The following ORC4 variants were observed in gnomAD, a reference collection of about 807,000 sequenced individuals.
ORC4 encodes the protein origin recognition complex, subunit 4 homolog.
ORC4 carries 55 observed loss-of-function variants against 63.9 expected under a neutral mutation model. That is an observed-to-expected ratio of 0.86 (90% CI 0.69 to 1.08). ORC4 has a LOEUF of 1.08. Ranked by LOEUF, ORC4 falls within the 50% of genes least tolerant of loss-of-function variation. The probability of loss-of-function intolerance (pLI) is 0.00; values close to 1 mark genes in which losing one functional copy is unlikely to be tolerated. For synonymous variants in ORC4, 150 were observed against 168.5 expected, an observed-to-expected ratio of 0.89 and a Z score of 0.85; for missense variants, 511 against 504.4, an observed-to-expected ratio of 1.01 and a Z score of -0.13.
intron 1 of ORC4, among the ~76,000 whole-genome samples, chr2:147,985,293 T>C (rs543840700): frequency 6.6e-6 from 1 of 152,144 alleles, no homozygotes; most frequent in African/African-American, 2.4e-5. Flanking sequence ...ACCTCCCGGG[T>C]TCACACCATT....
chr2:148,015,052 T>A (rs1427256566), intron 1 of ORC4, among the ~76,000 whole-genome samples: 1 of 148,856 alleles, frequency 6.7e-6, no homozygotes, highest in East Asian at 2.0e-4. Flanking sequence ...CAGGGCAAGA[T>A]AAAGAATGCC....
chr2:147,966,617 G>A lies in ORC4; in HGVS notation c.225+6122C>T, dbSNP rs1689908482. ...TACAAAACCTAAAGGAAATGGTTAA[G>A]TTCCTGGACACATACAACCTTTCAA... On this transcript the variant is annotated intron_variant, in intron 4 of 13. Coordinates refer to ENST00000392857, the MANE Select transcript of ORC4 (RefSeq NM_181741.4). 2.0e-5 allele frequency among the ~76,000 whole-genome samples: 3 copies of A among 152,120 alleles called. No individual in the cohort carries two copies. In the South Asian group the frequency reaches 6.2e-4, roughly 31 times the overall value.
intron 1 of ORC4, among the ~76,000 whole-genome samples, chr2:147,991,784 CA>C (rs1385130145): frequency 6.6e-6 from 1 of 152,092 alleles, no homozygotes; most frequent in East Asian, 1.9e-4. Flanking sequence ...GCGGAGATTG[CA>C]CCACTGCACT....
At chr2:147,989,797 T>C (rs890440752) in intron 1 of ORC4, among the ~76,000 whole-genome samples, 2 of 152,132 alleles carry the variant, frequency 1.3e-5, no homozygotes, top group Non-Finnish European at 2.9e-5. Context: ...TTTTTCTTAG[T>C]TTGGAATAAG....
At chr2:147,981,236 T>A (rs1690868509) in intron 1 of ORC4, among the ~76,000 whole-genome samples, 1 of 152,184 alleles carries the variant, frequency 6.6e-6, no homozygotes, top group Non-Finnish European at 1.5e-5. Flanking sequence ...ACTCTCTCTA[T>A]ATACTATGTT....
At chr2:147,996,032 C>T (rs915313114) in intron 1 of ORC4, among the ~76,000 whole-genome samples, 23 of 150,702 alleles carry the variant, frequency 1.5e-4, no homozygotes, top group East Asian at 7.9e-4. Flanking sequence ...AGGCCAGGTG[C>T]GGTGGCTTAC....
At chr2:147,957,100 G>C (rs949735940) in intron 6 of ORC4, among the ~76,000 whole-genome samples, 2 of 147,518 alleles carry the variant, frequency 1.4e-5, no homozygotes. Flanking sequence ...TATTTTTATA[G>C]ATTAATATAT....
chr2:148,007,611 C>A (rs1429559768), intron 1 of ORC4, among the ~76,000 whole-genome samples: 1 of 152,030 alleles, frequency 6.6e-6, no homozygotes, highest in Non-Finnish European at 1.5e-5. Flanking sequence ...GAGTTACTGG[C>A]CTTAAAGAGG....
chr2:147,956,449 G>A (rs1384428371), intron 6 of ORC4, among the ~76,000 whole-genome samples: 2 of 151,950 alleles, frequency 1.3e-5, no homozygotes, highest in Non-Finnish European at 2.9e-5. Flanking sequence ...CTATAAATAC[G>A]TATTTGTGCA....
intron 1 of ORC4, among the ~76,000 whole-genome samples, chr2:147,991,879 G>C (rs972756288): frequency 6.6e-6 from 1 of 152,090 alleles, no homozygotes; most frequent in Non-Finnish European, 1.5e-5. Context: ...ATTAACCATG[G>C]AATACACCTT....
intron 1 of ORC4, among the ~76,000 whole-genome samples, chr2:148,020,045 C>T (rs1311239396): frequency 1.3e-5 from 2 of 152,190 alleles, no homozygotes; most frequent in Non-Finnish European, 2.9e-5. Context: ...AAGGACTACA[C>T]AATCCCACAT....
intron 4 of ORC4, among the ~76,000 whole-genome samples, chr2:147,962,337 T>C (rs919418866): frequency 2.0e-5 from 3 of 152,054 alleles, no homozygotes; most frequent in African/African-American, 7.2e-5. Flanking sequence ...ATCATGAGAA[T>C]AAGGTATGCA....
chr2:147,953,575 T>C (rs1689083342), intron 7 of ORC4, among the ~76,000 whole-genome samples: 1 of 152,194 alleles, frequency 6.6e-6, no homozygotes, highest in South Asian at 2.1e-4. Flanking sequence ...AAGGTACATT[T>C]CTTGTAGAAA....
chr2:147,938,442 G>T, intron 11 of ORC4, 49 bp from the exon 12 acceptor site: 1 of 1,030,392 alleles, frequency 9.7e-7, no homozygotes, highest in South Asian at 1.3e-5. Flanking sequence ...ATATAAGACT[G>T]AAATAACTGT....
chr2:148,021,517 C>T (rs1693729551), upstream of ORC4: 1 of 575,256 alleles, frequency 1.7e-6, no homozygotes, highest in Non-Finnish European at 3.3e-6. Context: ...GCTGCTACTG[C>T]TGCTGCTTGG....
At chr2:147,942,066 T>C (rs959460776) in intron 10 of ORC4, among the ~76,000 whole-genome samples, 1 of 152,054 alleles carries the variant, frequency 6.6e-6, no homozygotes, top group Non-Finnish European at 1.5e-5. Flanking sequence ...GCAAGTTACT[T>C]AGCTTTAAGG....
intron 10 of ORC4, among the ~76,000 whole-genome samples, chr2:147,940,249 G>T (rs1422628500): frequency 6.6e-6 from 1 of 151,804 alleles, no homozygotes; most frequent in Non-Finnish European, 1.5e-5. Flanking sequence ...AAGTTCTTTA[G>T]TGGTGATTTG....
At chr2:147,977,054 A>G (rs1269043487) in intron 1 of ORC4, among the ~76,000 whole-genome samples, 3 of 152,204 alleles carry the variant, frequency 2.0e-5, no homozygotes, top group African/African-American at 7.2e-5. Context: ...GGTATCAGGA[A>G]TTGTTACAAA....
At chr2:147,980,949 A>G in intron 1 of ORC4, among the ~76,000 whole-genome samples, 1 of 152,218 alleles carries the variant, frequency 6.6e-6, no homozygotes, top group Middle Eastern at 3.2e-3. Flanking sequence ...ATTCACAGCC[A>G]AAATACGGAA....
Sources: allele counts gnomAD v4.1 joint callset (sites outside exome capture counted in the v4.1 genomes callset), GRCh38; gene constraint gnomAD v4.1.1; transcripts MANE v1.5; gene names NCBI Gene and HGNC (gene_info 2026-07-23, HGNC 2026-07-21).